CALN1: variants seen among roughly 807,000 people sequenced by gnomAD.
The protein encoded by CALN1 is calcium-binding protein 8.
CALN1 carries 17 observed loss-of-function variants against 30.6 expected under a neutral mutation model. That is an observed-to-expected ratio of 0.56 (90% CI 0.38 to 0.83). The LOEUF is 0.83. CALN1 is among the 40% of genes least tolerant of loss of function. The pLI is 0.00. For missense variants in CALN1, 291 were observed against 354.9 expected (o/e 0.82, Z 1.45); for synonymous variants, 156 against 131.4 (o/e 1.19, Z -1.28).
At chr7:71,933,272 G>C (rs1481493061) in intron 5 of CALN1, among the ~76,000 whole-genome samples, 1 of 152,130 alleles carries the variant, frequency 6.6e-6, no homozygotes, top group East Asian at 1.9e-4. Flanking sequence ...AGGTGGCCAG[G>C]CTTCCCTGCG....
At chr7:72,327,124 A>G (rs758520532) in intron 2 of CALN1, among the ~76,000 whole-genome samples, 6 of 152,230 alleles carry the variant, frequency 3.9e-5, no homozygotes, top group Non-Finnish European at 8.8e-5. Context: ...CCCAGTCTGT[A>G]GGATGAGACC....
At chr7:71,871,512 TGA>T (rs1245218297) in intron 5 of CALN1, among the ~76,000 whole-genome samples, 1 of 152,130 alleles carries the variant, frequency 6.6e-6, no homozygotes, top group Non-Finnish European at 1.5e-5. Context: ...TTTGGGAGGC[TGA>T]GTCAGGAGGA....
At chr7:72,376,162 T>C (rs1405938922) in intron 2 of CALN1, among the ~76,000 whole-genome samples, 1 of 152,250 alleles carries the variant, frequency 6.6e-6, no homozygotes, top group East Asian at 1.9e-4. Flanking sequence ...ATTTGGGTTG[T>C]ATTCAATTTT....
chr7:72,409,120 C>T (rs1350737655), intron 1 of CALN1, among the ~76,000 whole-genome samples: 1 of 151,534 alleles, frequency 6.6e-6, no homozygotes, highest in Non-Finnish European at 1.5e-5. Flanking sequence ...CTCAGCCTCC[C>T]CAGTAGCTGG....
At chr7:71,810,222 C>G in intron 6 of CALN1, 114 bp downstream of exon 6, 1 of 1,143,500 alleles carries the variant, frequency 8.7e-7, no homozygotes, top group South Asian at 2.0e-5. Context: ...TTTTTGGCTT[C>G]AGTACAAGGG....
chr7:72,319,545 T>A (rs1164463182), intron 2 of CALN1, among the ~76,000 whole-genome samples: 2 of 152,176 alleles, frequency 1.3e-5, no homozygotes, highest in Non-Finnish European at 2.9e-5. Flanking sequence ...CCAAACCATA[T>A]CATATACACA....
In CALN1 at chr7:72,412,131, G is replaced by A. The variant is rs1315589340; in HGVS notation, c.-147C>T. ...TTAAGAATAAAACCACGGACCTCGC[G>A]GTGAGTGTTACAGCTCTTAAAGATG... is the stretch of plus-strand genomic sequence containing the variant. On this transcript the variant is annotated 5_prime_UTR_variant, in exon 1 of 7. Transcript: ENST00000395275. 1.3e-5 allele frequency: 2 copies of A among 152,616 alleles called. No homozygotes were observed. Among genetic ancestry groups the A allele is most frequent in the Non-Finnish European group, 2.9e-5 (2 of 68,204 alleles). 9.5% of individuals were successfully genotyped at this position (152,616 alleles called of 1,614,324 possible). A position where few individuals can be genotyped will look rare whatever the true frequency, so the allele number is the denominator to read the frequency against.
intron 4 of CALN1, among the ~76,000 whole-genome samples, chr7:72,027,949 C>T (rs1031656895): frequency 1.9e-4 from 28 of 148,736 alleles, no homozygotes; most frequent in Non-Finnish European, 1.5e-4. Context: ...GTCCCAGCTA[C>T]GTGGGAGGCT....
At chr7:71,823,758 A>G (rs912957378) in intron 5 of CALN1, among the ~76,000 whole-genome samples, 6 of 151,970 alleles carry the variant, frequency 3.9e-5, no homozygotes, top group Non-Finnish European at 8.8e-5. Flanking sequence ...AGAAAAGAAA[A>G]AGAGAAAGAA....
chr7:71,988,093 TTCA>T (rs971189407), intron 5 of CALN1, among the ~76,000 whole-genome samples: 1 of 152,006 alleles, frequency 6.6e-6, no homozygotes, highest in Non-Finnish European at 1.5e-5. Flanking sequence ...GATGGCCATC[TTCA>T]TCATCATCAT....
At chr7:72,444,643 C>T (rs1271563901) in intron 1 of CALN1, among the ~76,000 whole-genome samples, 2 of 152,168 alleles carry the variant, frequency 1.3e-5, no homozygotes, top group African/African-American at 4.8e-5. Context: ...ACAGGAGTCA[C>T]TATAACTATT....
At chr7:72,108,184 T>C (rs1011346889) in intron 3 of CALN1, among the ~76,000 whole-genome samples, 1 of 152,186 alleles carries the variant, frequency 6.6e-6, no homozygotes, top group Non-Finnish European at 1.5e-5. Context: ...GCCCCATCAC[T>C]CCAATCTCCA....
At chr7:72,488,900 C>T in the CALN1 span, among the ~76,000 whole-genome samples, 1 of 152,090 alleles carries the variant, frequency 6.6e-6, no homozygotes, top group Admixed American at 6.6e-5. Flanking sequence ...CCCAGGCTTC[C>T]AGTTACTTCT....
intron 5 of CALN1, among the ~76,000 whole-genome samples, chr7:71,854,623 G>A (rs1192278462): frequency 6.6e-6 from 1 of 152,194 alleles, no homozygotes; most frequent in Non-Finnish European, 1.5e-5. Flanking sequence ...ACACTACAAA[G>A]TAGCAATAAA....
At chr7:72,469,928 C>T in the CALN1 span, among the ~76,000 whole-genome samples, 2 of 152,150 alleles carry the variant, frequency 1.3e-5, no homozygotes, top group Non-Finnish European at 2.9e-5. Flanking sequence ...TGTGGCTTCA[C>T]GTCCTGATTC....
At chr7:72,262,076 C>T (rs1796305740) in intron 3 of CALN1, among the ~76,000 whole-genome samples, 1 of 152,222 alleles carries the variant, frequency 6.6e-6, no homozygotes. Context: ...GTGTGCTCAA[C>T]TCAAAGAGAG....
intron 5 of CALN1, among the ~76,000 whole-genome samples, chr7:71,868,456 C>T (rs1791722966): frequency 1.3e-5 from 2 of 151,526 alleles, no homozygotes; most frequent in Admixed American, 6.6e-5. Context: ...ACTGCAACCT[C>T]CGCCTCCTGG....
Position 72,359,976 on chromosome 7 carries a change from C to CAAAAAAAAAAAAAAAAAAAAAAAA in CALN1, c.119+43274_119+43275insTTTTTTTTTTTTTTTTTTTTTTTT, listed in dbSNP as rs750054515. ...TGGGTGACAGAGTGAGACTCCATCT[C>CAAAAAAAAAAAAAAAAAAAAAAAA]AAAAAAAAAAAAAAACCAAAGTTGA... On this transcript the variant is annotated intron_variant, in intron 2 of 6. Coordinates refer to ENST00000395275, the MANE Select transcript of CALN1 (RefSeq NM_031468.4). 6.3e-5 allele frequency among the ~76,000 whole-genome samples: 4 copies of CAAAAAAAAAAAAAAAAAAAAAAAA among 63,958 alleles called. 1 individual carries two copies. The highest frequency in any genetic ancestry group is 3.4e-4 in the African/African-American group (4 of 11,676). 42.0% of individuals were successfully genotyped at this position (63,958 alleles called of 152,430 possible). A position where few individuals can be genotyped will look rare whatever the true frequency, so the allele number is the denominator to read the frequency against.
In CALN1 at chr7:72,176,747, CA is replaced by C. The variant is rs566993215; in HGVS notation, c.245-70454del. 3.3e-3 allele frequency among the ~76,000 whole-genome samples: 499 copies of C among 152,208 alleles called. 2 individuals are homozygous for C. Among genetic ancestry groups the C allele is most frequent in the African/African-American group, 0.01 (424 of 41,522 alleles). ...CAGCCTACTACAGCATAGGAAAGCC[CA>C]AAGTTCAATAGAGTCTCCCTTTCCC... On this transcript the variant is annotated intron_variant, in intron 3 of 6. Coordinates refer to ENST00000395275, the MANE Select transcript of CALN1 (RefSeq NM_031468.4).
Sources: gnomAD v4.1 joint callset for allele counts (sites outside exome capture counted in the v4.1 genomes callset) on GRCh38, gnomAD v4.1.1 for gene constraint, MANE v1.5 for transcripts, NCBI Gene and HGNC (gene_info 2026-07-23, HGNC 2026-07-21) for gene names.